Variants in EYA2 observed in about 807,000 individuals in gnomAD.
The protein encoded by EYA2 is protein phosphatase EYA2.
Under a neutral mutation model 69.2 loss-of-function variants are expected in EYA2, and 31 were observed. The ratio of observed to expected loss-of-function variants is 0.45; its 90% CI spans 0.34 to 0.60. The LOEUF (loss-of-function observed/expected upper bound fraction) is 0.60, where lower values mean the gene tolerates loss of function less well. Among genes scored for constraint, EYA2 ranks in the 20% least tolerant of loss-of-function variants. The pLI is 0.02. For missense variants in EYA2, 622 were observed against 701.2 expected (o/e 0.89, Z 1.28); for synonymous variants, 257 against 279.4 (o/e 0.92, Z 0.80).
chr20:47,062,929 G>A (rs1244949282), intron 5 of EYA2, among the ~76,000 whole-genome samples: 1 of 152,172 alleles, frequency 6.6e-6, no homozygotes, highest in Non-Finnish European at 1.5e-5. Flanking sequence ...GCCCAGGAGT[G>A]TGGCAGAAGG....
chr20:47,044,663 A>G (rs567835040), intron 5 of EYA2, among the ~76,000 whole-genome samples: 1 of 152,290 alleles, frequency 6.6e-6, no homozygotes, highest in Non-Finnish European at 1.5e-5. Context: ...TCACTCAGCA[A>G]ACATTTATTG....
chr20:47,184,615 G>A (rs1600781893), intron 15 of EYA2, among the ~76,000 whole-genome samples: 1 of 151,686 alleles, frequency 6.6e-6, no homozygotes, highest in African/African-American at 2.4e-5. Flanking sequence ...TAGAGATGGG[G>A]TTTTGCCATG....
intron 1 of EYA2, among the ~76,000 whole-genome samples, chr20:46,969,009 G>C (rs749835536): frequency 6.6e-6 from 1 of 151,804 alleles, no homozygotes; most frequent in East Asian, 1.9e-4. Context: ...GCACTTGCTC[G>C]GTGTGATGAT....
intron 1 of EYA2, among the ~76,000 whole-genome samples, chr20:46,934,225 T>G (rs1411579487): frequency 1.3e-5 from 2 of 152,196 alleles, no homozygotes; most frequent in Non-Finnish European, 2.9e-5. Context: ...GAAACTGAAA[T>G]GCTACCTGCA....
At chr20:47,074,124 C>T in intron 6 of EYA2, 34 bp from the exon 7 acceptor site, 1 of 1,544,076 alleles carries the variant, frequency 6.5e-7, no homozygotes, top group Non-Finnish European at 8.8e-7. Context: ...AAGGCTTCCT[C>T]ACATATGTCC....
chr20:47,009,560 C>T (rs1238361829), intron 4 of EYA2, among the ~76,000 whole-genome samples: 1 of 152,156 alleles, frequency 6.6e-6, no homozygotes, highest in Non-Finnish European at 1.5e-5. Context: ...CTTTCCTTTC[C>T]TCTCAAAGAT....
intron 9 of EYA2, among the ~76,000 whole-genome samples, chr20:47,099,994 G>A (rs1034145811): frequency 8.7e-6 from 1 of 114,610 alleles, no homozygotes; most frequent in Non-Finnish European, 1.8e-5. Flanking sequence ...GCTGCACGAG[G>A]ACAGGGACCT....
intron 1 of EYA2, among the ~76,000 whole-genome samples, chr20:46,900,383 G>T (rs117907069): frequency 6.1e-4 from 93 of 152,178 alleles, no homozygotes; most frequent in African/African-American, 2.2e-3. Flanking sequence ...TGAAATACAC[G>T]TGTATTAGCC....
intron 7 of EYA2, among the ~76,000 whole-genome samples, chr20:47,085,457 C>A (rs2031865404): frequency 6.6e-6 from 1 of 151,864 alleles, no homozygotes; most frequent in Non-Finnish European, 1.5e-5. Context: ...ACCACCCTGG[C>A]CAACATGGTA....
At chr20:47,060,846 T>G (rs897445699) in intron 5 of EYA2, among the ~76,000 whole-genome samples, 2 of 137,178 alleles carry the variant, frequency 1.5e-5, no homozygotes, top group African/African-American at 2.9e-5. Context: ...AATCGCTCTC[T>G]CTCTCTTTTT....
At chr20:47,137,660 G>A (rs2033506704) in intron 9 of EYA2, among the ~76,000 whole-genome samples, 1 of 152,340 alleles carries the variant, frequency 6.6e-6, no homozygotes, top group South Asian at 2.1e-4. Context: ...AGGCAGCCCA[G>A]GATGAAACTG....
intron 1 of EYA2, among the ~76,000 whole-genome samples, chr20:46,986,783 C>T (rs927633853): frequency 2.6e-5 from 4 of 152,082 alleles, no homozygotes; most frequent in Non-Finnish European, 4.4e-5. Flanking sequence ...ACTAATAGAA[C>T]AAGAACTCAC....
intron 9 of EYA2, among the ~76,000 whole-genome samples, chr20:47,132,563 A>G (rs1237677365): frequency 1.3e-5 from 2 of 152,196 alleles, no homozygotes; most frequent in Non-Finnish European, 2.9e-5. Flanking sequence ...AGGCCCAGGG[A>G]GAGTGAACAT....
chr20:46,946,831 T>C (rs1391891636), intron 1 of EYA2, among the ~76,000 whole-genome samples: 2 of 151,204 alleles, frequency 1.3e-5, no homozygotes, highest in Non-Finnish European at 2.9e-5. Flanking sequence ...TCCCTTTTAG[T>C]TCTTCCATAG....
At chr20:47,014,978 A>G (rs1206748254) in intron 4 of EYA2, among the ~76,000 whole-genome samples, 3 of 152,224 alleles carry the variant, frequency 2.0e-5, no homozygotes, top group African/African-American at 7.2e-5. Flanking sequence ...CATATTGTGA[A>G]GCAGTAAAAG....
chr20:47,023,644 T>G (rs989085964), intron 5 of EYA2, among the ~76,000 whole-genome samples: 3 of 141,488 alleles, frequency 2.1e-5, no homozygotes, highest in African/African-American at 7.9e-5. Flanking sequence ...TTTTTTTTTT[T>G]TTTTTTTTTT....
intron 9 of EYA2, among the ~76,000 whole-genome samples, chr20:47,108,907 G>A (rs2032670591): frequency 6.6e-6 from 1 of 152,048 alleles, no homozygotes; most frequent in Admixed American, 6.6e-5. Flanking sequence ...GAGGAGAGTA[G>A]AAAGTGGCCA....
intron 1 of EYA2, among the ~76,000 whole-genome samples, chr20:46,951,841 A>AG (rs1321257837): frequency 6.6e-6 from 1 of 152,352 alleles, no homozygotes; most frequent in Non-Finnish European, 1.5e-5. Context: ...TTTGTGAAAC[A>AG]GGGATAACAG....
intron 9 of EYA2, among the ~76,000 whole-genome samples, chr20:47,105,856 C>A (rs2032561220): frequency 6.6e-6 from 1 of 152,152 alleles, no homozygotes; most frequent in Non-Finnish European, 1.5e-5. Flanking sequence ...TTTTACAAAT[C>A]AAAATTGATG....
Sources: gnomAD v4.1 joint callset for allele counts (sites outside exome capture counted in the v4.1 genomes callset) on GRCh38, gnomAD v4.1.1 for gene constraint, MANE v1.5 for transcripts, NCBI Gene and HGNC (gene_info 2026-07-23, HGNC 2026-07-21) for gene names.